SRPK2: variants seen among roughly 807,000 people sequenced by gnomAD.
SRPK2 encodes SFRS protein kinase 2.
SRPK2 carries 21 observed loss-of-function variants against 90.8 expected under a neutral mutation model. That is an observed-to-expected ratio of 0.23 (90% confidence interval 0.16 to 0.33). SRPK2 has a LOEUF of 0.33. Among genes scored for constraint, SRPK2 ranks in the 10% least tolerant of loss-of-function variants. The pLI is 1.00. For missense variants in SRPK2, 620 were observed against 869.0 expected, an observed-to-expected ratio of 0.71 and a Z score of 3.60; for synonymous variants, 288 against 311.1, an observed-to-expected ratio of 0.93 and a Z score of 0.78.
chr7:105,329,002 G>A (rs1016388691), intron 2 of SRPK2, among the ~76,000 whole-genome samples: 6 of 151,990 alleles, frequency 3.9e-5, no homozygotes, highest in African/African-American at 9.7e-5. Flanking sequence ...GCAACATAGC[G>A]AAACCCCATC....
chr7:105,355,619 G>A (rs1011119613), intron 2 of SRPK2, among the ~76,000 whole-genome samples: 1 of 152,124 alleles, frequency 6.6e-6, no homozygotes, highest in Admixed American at 6.6e-5. Context: ...ATGTCACTGT[G>A]TTCTAACCTG....
In SRPK2 at chr7:105,318,016, T is replaced by TA. The variant is rs1190043649; in HGVS notation, c.71+70631dup. On this transcript the variant is annotated intron_variant, in intron 2 of 15. Coordinates refer to ENST00000393651, the MANE Select transcript of SRPK2 (RefSeq NM_182692.3). ...TCCACCCGACTCAGCCTCAGCCTCA[T>TA]AAAGTGCTGGGATTACGGGCATGAG... Among the ~76,000 whole-genome samples the TA allele has an allele frequency of 1.1e-4, 17 of 152,092 alleles. 1 individual carries two copies. Among genetic ancestry groups the TA allele is most frequent in the African/African-American group, 4.1e-4 (17 of 41,414 alleles).
chr7:105,319,360 T>G (rs2131515373), intron 2 of SRPK2, among the ~76,000 whole-genome samples: 1 of 152,216 alleles, frequency 6.6e-6, no homozygotes, highest in Non-Finnish European at 1.5e-5. Context: ...TTTTGTGAAT[T>G]TTTTTTAACA....
At chr7:105,300,990 C>A (rs1810479313) in intron 2 of SRPK2, among the ~76,000 whole-genome samples, 1 of 152,134 alleles carries the variant, frequency 6.6e-6, no homozygotes, top group Non-Finnish European at 1.5e-5. Flanking sequence ...CTAGAAATAC[C>A]ATTTGACCCA....
chr7:105,285,636 C>A (rs571550681), intron 2 of SRPK2, among the ~76,000 whole-genome samples: 1 of 152,136 alleles, frequency 6.6e-6, no homozygotes, highest in Admixed American at 6.5e-5. Context: ...AGCATTGTTC[C>A]CTTGGTGACA....
intron 11 of SRPK2, among the ~76,000 whole-genome samples, chr7:105,137,531 G>A (rs1189648389): frequency 1.3e-5 from 2 of 152,138 alleles, no homozygotes; most frequent in Non-Finnish European, 2.9e-5. Flanking sequence ...GGTCCCCATC[G>A]AGTGACACAG....
At chr7:105,392,553 G>T (rs1298889624), upstream of SRPK2, among the ~76,000 whole-genome samples, 1 of 152,126 alleles carries the variant, frequency 6.6e-6, no homozygotes, top group Non-Finnish European at 1.5e-5. Context: ...TTGCTCTGTT[G>T]CCGAGGCTGG....
intron 2 of SRPK2, among the ~76,000 whole-genome samples, chr7:105,211,377 A>G (rs917238625): frequency 7.9e-5 from 12 of 152,242 alleles, no homozygotes; most frequent in Non-Finnish European, 1.6e-4. Flanking sequence ...CTATAAGGAA[A>G]TACCTGAGAC....
chr7:105,367,268 T>A (rs1819182884), intron 2 of SRPK2, among the ~76,000 whole-genome samples: 1 of 151,414 alleles, frequency 6.6e-6, no homozygotes, highest in Non-Finnish European at 1.5e-5. Flanking sequence ...GGGCTTTGTT[T>A]TGTTTTGTTT....
At chr7:105,312,548 A>C (rs1277540369) in intron 2 of SRPK2, among the ~76,000 whole-genome samples, 2 of 152,198 alleles carry the variant, frequency 1.3e-5, no homozygotes, top group African/African-American at 4.8e-5. Context: ...CAGAATAGGT[A>C]AATTTAATCT....
chr7:105,251,629 T>C (rs1005913562), intron 2 of SRPK2, among the ~76,000 whole-genome samples: 2 of 152,232 alleles, frequency 1.3e-5, no homozygotes, highest in Non-Finnish European at 2.9e-5. Context: ...CATTTAATTG[T>C]AAACCTTCCA....
intron 7 of SRPK2, among the ~76,000 whole-genome samples, chr7:105,159,466 A>AAAACAAAAC (rs1554428674): frequency 2.6e-5 from 3 of 114,230 alleles, no homozygotes; most frequent in South Asian, 2.7e-4. Context: ...AAAAAAAAAA[A>AAAACAAAAC]AAAAAAACCG....
At chr7:105,201,299 G>A (rs1031491068) in intron 3 of SRPK2, among the ~76,000 whole-genome samples, 4 of 152,084 alleles carry the variant, frequency 2.6e-5, no homozygotes, top group Admixed American at 6.5e-5. Context: ...AATTTGGGGG[G>A]GGCTGGCACG....
At chr7:105,187,966 G>C (rs1429033602) in intron 3 of SRPK2, among the ~76,000 whole-genome samples, 1 of 152,122 alleles carries the variant, frequency 6.6e-6, no homozygotes, top group Non-Finnish European at 1.5e-5. Flanking sequence ...ACAGCCATCT[G>C]GGGAAATAAT....
At chr7:105,245,030 AACAAACACACACACACACACACAC>A (rs1801421836) in intron 2 of SRPK2, 1 of 488,918 alleles carries the variant, frequency 2.0e-6, no homozygotes, top group Admixed American at 3.1e-5. Context: ...AACAAAACAA[AACAAACACACACACACACACACAC>A]ACACACACAC....
intron 2 of SRPK2, among the ~76,000 whole-genome samples, chr7:105,313,991 G>C (rs942829051): frequency 2.0e-5 from 3 of 152,128 alleles, no homozygotes; most frequent in Non-Finnish European, 4.4e-5. Context: ...ACATCTATTT[G>C]TTTTAACTGC....
At chr7:105,277,945 T>C (rs752141301) in intron 2 of SRPK2, among the ~76,000 whole-genome samples, 14 of 152,146 alleles carry the variant, frequency 9.2e-5, no homozygotes, top group Admixed American at 2.0e-4. Context: ...TAAATGAGGA[T>C]AGAGGAGCAG....
chr7:105,122,239 GATTT>G (rs1465472272), intron 15 of SRPK2, among the ~76,000 whole-genome samples: 6 of 152,188 alleles, frequency 3.9e-5, no homozygotes, highest in African/African-American at 7.2e-5. Flanking sequence ...AGTAGGCAAT[GATTT>G]ATTAGATGTG....
intron 2 of SRPK2, among the ~76,000 whole-genome samples, chr7:105,334,261 T>C (rs1010203300): frequency 6.6e-6 from 1 of 152,202 alleles, no homozygotes; most frequent in African/African-American, 2.4e-5. Context: ...TTTGTATTTT[T>C]AGTAGAGATG....
Sources: gnomAD v4.1 joint callset for allele counts (sites outside exome capture counted in the v4.1 genomes callset) on GRCh38, gnomAD v4.1.1 for gene constraint, MANE v1.5 for transcripts, NCBI Gene and HGNC (gene_info 2026-07-23, HGNC 2026-07-21) for gene names.